Variants in DNER observed in about 807,000 individuals in gnomAD.
DNER encodes the protein delta and Notch-like epidermal growth factor-related receptor.
A neutral mutation model predicts 78.2 loss-of-function variants in DNER; 33 were observed. The ratio of observed to expected loss-of-function variants is 0.42; its 90% confidence interval spans 0.32 to 0.56. DNER has a LOEUF of 0.56. DNER is among the 20% of genes least tolerant of loss of function. The pLI is 0.11. For missense variants in DNER, 918 were observed against 975.3 expected (o/e 0.94, Z 0.78); for synonymous variants, 417 against 384.8 (o/e 1.08, Z -0.98).
chr2:229,631,425 C>A (rs1336042778), intron 1 of DNER, among the ~76,000 whole-genome samples: 1 of 152,146 alleles, frequency 6.6e-6, no homozygotes, highest in East Asian at 1.9e-4. Flanking sequence ...ACTCTGAGCT[C>A]CCCTCCAGCT....
intron 1 of DNER, among the ~76,000 whole-genome samples, chr2:229,653,914 C>T (rs765840349): frequency 2.6e-5 from 4 of 152,074 alleles, no homozygotes; most frequent in Non-Finnish European, 5.9e-5. Flanking sequence ...CTGCAAAATG[C>T]CAAAGAAAAA....
chr2:229,514,483 C>A (rs946693689), intron 5 of DNER, among the ~76,000 whole-genome samples: 1 of 152,236 alleles, frequency 6.6e-6, no homozygotes, highest in African/African-American at 2.4e-5. Flanking sequence ...TTATCAAATG[C>A]CATTTTAGCT....
At chr2:229,676,092 A>G (rs566546042) in intron 1 of DNER, among the ~76,000 whole-genome samples, 1 of 152,296 alleles carries the variant, frequency 6.6e-6, no homozygotes, top group East Asian at 1.9e-4. Context: ...GTACCTAGGG[A>G]CTGTCGACAA....
At chr2:229,592,531 A>C (rs1461979843) in intron 1 of DNER, among the ~76,000 whole-genome samples, 2 of 152,160 alleles carry the variant, frequency 1.3e-5, no homozygotes, top group East Asian at 3.8e-4. Flanking sequence ...TTGGAGGGTG[A>C]TTAGAGAGAA....
intron 1 of DNER, among the ~76,000 whole-genome samples, 162 bp from the exon 2 acceptor site, chr2:229,592,050 C>T (rs1212161706): frequency 6.6e-6 from 1 of 152,120 alleles, no homozygotes; most frequent in East Asian, 1.9e-4. Context: ...GGGGTGTACA[C>T]CAAGGTCATC....
At chr2:229,702,333 G>A (rs527977150) in intron 1 of DNER, among the ~76,000 whole-genome samples, 13 of 152,104 alleles carry the variant, frequency 8.5e-5, no homozygotes, top group East Asian at 3.9e-4. Context: ...CCAGGAGGTC[G>A]AGAACAGCCT....
In DNER at chr2:229,559,204, C is replaced by T. The variant is rs975900148; in HGVS notation, c.848-12112G>A. 4.6e-5 allele frequency among the ~76,000 whole-genome samples: 7 copies of T among 152,016 alleles called. No individual in the cohort carries two copies. The East Asian group carries it at 7.8e-4, about 17-fold the overall frequency. On this transcript the variant is annotated intron_variant, in intron 4 of 12. Transcript: ENST00000341772. Reference sequence around the variant, plus strand: ...GGGAGCAATCAAGTTGGTGGTTGGACGTAGAATATGGGTAGTTAGAAACAT... The same window carrying T: ...GGGAGCAATCAAGTTGGTGGTTGGATGTAGAATATGGGTAGTTAGAAACAT...
intron 1 of DNER, among the ~76,000 whole-genome samples, chr2:229,602,186 C>G (rs1380334002): frequency 6.6e-6 from 1 of 152,112 alleles, no homozygotes; most frequent in East Asian, 1.9e-4. Context: ...CTTTCGTACT[C>G]AGGAAAAGAA....
intron 1 of DNER, among the ~76,000 whole-genome samples, chr2:229,600,818 G>A (rs1697811956): frequency 2.0e-5 from 3 of 152,180 alleles, no homozygotes; most frequent in East Asian, 1.9e-4. Flanking sequence ...ATAGAACTAG[G>A]TGGACCCATG....
At chr2:229,377,295 G>A (rs987081728) in intron 11 of DNER, among the ~76,000 whole-genome samples, 6 of 152,138 alleles carry the variant, frequency 3.9e-5, no homozygotes, top group African/African-American at 1.4e-4. Context: ...AGATTCAACT[G>A]TTTAATATAC....
chr2:229,599,233 A>G (rs1697781996), intron 1 of DNER, among the ~76,000 whole-genome samples: 1 of 152,220 alleles, frequency 6.6e-6, no homozygotes, highest in Non-Finnish European at 1.5e-5. Context: ...GAATTTGTGT[A>G]TGGTATTAAG....
chr2:229,599,551 A>G (rs1367655226), intron 1 of DNER, among the ~76,000 whole-genome samples: 1 of 152,000 alleles, frequency 6.6e-6, no homozygotes, highest in African/African-American at 2.4e-5. Flanking sequence ...CCAACCAAAA[A>G]CATTGCTAAC....
chr2:229,429,685 G>A (rs747959746), intron 8 of DNER, among the ~76,000 whole-genome samples: 3 of 152,170 alleles, frequency 2.0e-5, no homozygotes, highest in Non-Finnish European at 4.4e-5. Context: ...AGCAAAGACC[G>A]CTTACTAGAG....
chr2:229,672,217 G>A (rs571855644), intron 1 of DNER, among the ~76,000 whole-genome samples: 82 of 152,266 alleles, frequency 5.4e-4, no homozygotes, highest in Non-Finnish European at 9.0e-4. Flanking sequence ...TCAGACGCAG[G>A]CTCACCTGGT....
At chr2:229,541,364 C>T (rs1290476775) in intron 5 of DNER, among the ~76,000 whole-genome samples, 2 of 152,156 alleles carry the variant, frequency 1.3e-5, no homozygotes, top group African/African-American at 2.4e-5. Context: ...TATGTATCAA[C>T]TTGGCTGTGC....
At chr2:229,713,558 G>C (rs1204562374) in intron 1 of DNER, among the ~76,000 whole-genome samples, 1 of 152,222 alleles carries the variant, frequency 6.6e-6, no homozygotes, top group Non-Finnish European at 1.5e-5. Context: ...AGCTTAGAGA[G>C]GGCTGGTCGC....
chr2:229,546,798 T>TAGACAGAC lies in DNER; in HGVS notation c.993+148_993+149insGTCTGTCT, dbSNP rs1416737554. ...ACAGACAGATAGACAGATAGATAGA[T>TAGACAGAC]AGATAGACAGACAGACAGACAGACA... On this transcript the variant is annotated intron_variant, in intron 5 of 12. Transcript: ENST00000341772. 1,835 of 1,185,772 alleles carry TAGACAGAC rather than the reference T, an allele frequency of 1.5e-3. 33 individuals carry two copies. The African/African-American group carries it at 0.027, about 17-fold the overall frequency. The allele number at this position is 1,185,772 out of a possible 1,614,324, so 73.5% of individuals were successfully genotyped here.
At chr2:229,476,615 C>A (rs1228516858) in intron 7 of DNER, among the ~76,000 whole-genome samples, 2 of 152,150 alleles carry the variant, frequency 1.3e-5, no homozygotes, top group African/African-American at 4.8e-5. Context: ...CCTCAAATCA[C>A]AAAATAATTT....
intron 10 of DNER, among the ~76,000 whole-genome samples, chr2:229,393,663 C>T (rs111432249): frequency 0.062 from 9,363 of 151,790 alleles, 341 homozygotes; most frequent in Middle Eastern, 0.089. Context: ...CTGGCTAACA[C>T]GGTGAAACCC....
Sources: gnomAD v4.1 joint callset for allele counts (sites outside exome capture counted in the v4.1 genomes callset) on GRCh38, gnomAD v4.1.1 for gene constraint, MANE v1.5 for transcripts, NCBI Gene and HGNC (gene_info 2026-07-23, HGNC 2026-07-21) for gene names.